The following FUT8 variants were observed in gnomAD, a reference collection of about 807,000 sequenced individuals.
The protein encoded by FUT8 is alpha-(1,6)-fucosyltransferase.
Under a neutral mutation model 71.3 loss-of-function variants are expected in FUT8, and 29 were observed. The observed-to-expected ratio is 0.41, with a 90% CI of 0.30 to 0.55. The LOEUF (loss-of-function observed/expected upper bound fraction) is 0.55, where lower values mean the gene tolerates loss of function less well. Ranked by LOEUF, FUT8 falls within the 20% of genes least tolerant of loss-of-function variation. FUT8 has a pLI of 0.34. For missense variants in FUT8, 544 were observed against 702.1 expected, an observed-to-expected ratio of 0.77 and a Z score of 2.55; for synonymous variants, 254 against 239.3, an observed-to-expected ratio of 1.06 and a Z score of -0.57.
intron 5 of FUT8, among the ~76,000 whole-genome samples, chr14:65,618,010 CATATATATATATATATATATATATAT>C (rs149450437): frequency 0.012 from 1,076 of 87,022 alleles, 45 homozygotes; most frequent in African/African-American, 0.038. Context: ...AAAATTAATT[CATATATATATATATATATATATATAT>C]ATATATATAT....
the FUT8 span, among the ~76,000 whole-genome samples, chr14:65,404,512 T>A: frequency 2.0e-5 from 3 of 150,272 alleles, no homozygotes; most frequent in Admixed American, 1.3e-4. Context: ...AGTCTTGCTC[T>A]GTCGCCAGGC....
the FUT8 span, among the ~76,000 whole-genome samples, chr14:65,374,210 T>A: frequency 1.3e-5 from 2 of 152,218 alleles, no homozygotes; most frequent in African/African-American, 4.8e-5. Context: ...ATTTAAAAAT[T>A]TCTTTGCTGA....
At chr14:65,466,872 A>G (rs2066051615) in intron 2 of FUT8, among the ~76,000 whole-genome samples, 1 of 152,194 alleles carries the variant, frequency 6.6e-6, no homozygotes, top group South Asian at 2.1e-4. Flanking sequence ...GGGTAGTGCA[A>G]ATACCTTACA....
chr14:65,737,184 CTCT>C (rs1365182955), intron 10 of FUT8, among the ~76,000 whole-genome samples: 1 of 152,090 alleles, frequency 6.6e-6, no homozygotes, highest in Non-Finnish European at 1.5e-5. Context: ...TGGGAATTCT[CTCT>C]TCTTCAATGA....
chr14:65,544,483 T>A (rs747971481), intron 2 of FUT8, among the ~76,000 whole-genome samples: 8 of 152,142 alleles, frequency 5.3e-5, no homozygotes, highest in Non-Finnish European at 1.2e-4. Context: ...AATGGTGATA[T>A]ATATACACAT....
rs143790787 is a variant in FUT8 at position 65,529,790 on chromosome 14, T to G, written c.-227-31547T>G. Among the ~76,000 whole-genome samples the G allele has an allele frequency of 2.8e-3, 434 of 152,352 alleles. 2 individuals are homozygous for G. The highest frequency in any genetic ancestry group is 9.9e-3 in the African/African-American group (413 of 41,590). ...TCTTTTGTTTTTTGTGCTAACATTT[T>G]TAAGGTTTTCTAGGGCAGTCTAGAG... is the stretch of plus-strand genomic sequence containing the variant. On this transcript the variant is annotated intron_variant, in intron 2 of 10. Transcript: ENST00000673929.
chr14:65,543,605 CT>C (rs1414243308), intron 2 of FUT8, among the ~76,000 whole-genome samples: 1 of 151,904 alleles, frequency 6.6e-6, no homozygotes, highest in African/African-American at 2.4e-5. Flanking sequence ...TTCTTTCGTT[CT>C]TTCTTGTTTT....
chr14:65,644,297 AT>A (rs1173052027), intron 6 of FUT8, among the ~76,000 whole-genome samples: 46 of 145,046 alleles, frequency 3.2e-4, no homozygotes, highest in Non-Finnish European at 7.6e-5. Flanking sequence ...ATATATATAT[AT>A]TTTTTTTTTT....
At chr14:65,716,028 CTTGTT>C (rs1895040415) in intron 7 of FUT8, among the ~76,000 whole-genome samples, 2 of 151,330 alleles carry the variant, frequency 1.3e-5, no homozygotes, top group South Asian at 2.1e-4. Context: ...TGTTTTAAGA[CTTGTT>C]TTGTGACCTA....
chr14:65,375,492 G>A, the FUT8 span, among the ~76,000 whole-genome samples: 2 of 152,034 alleles, frequency 1.3e-5, no homozygotes, highest in African/African-American at 2.4e-5. Context: ...GTGGTGGTGC[G>A]TGCCTGTGGT....
chr14:65,541,221 A>G (rs925365257), intron 2 of FUT8, among the ~76,000 whole-genome samples: 4 of 152,228 alleles, frequency 2.6e-5, no homozygotes, highest in African/African-American at 9.6e-5. Context: ...ACTTGTTAAT[A>G]TAAAGATGCG....
intron 2 of FUT8, among the ~76,000 whole-genome samples, chr14:65,502,046 G>C (rs1269952496): frequency 6.6e-6 from 1 of 151,844 alleles, no homozygotes. Context: ...AAGTAGCTGG[G>C]ACTACAGGCA....
intron 3 of FUT8, among the ~76,000 whole-genome samples, chr14:65,579,125 T>C (rs1886944463): frequency 6.6e-6 from 1 of 152,146 alleles, no homozygotes; most frequent in African/African-American, 2.4e-5. Context: ...TACCATTTGT[T>C]ATGTGCAGAA....
intron 3 of FUT8, among the ~76,000 whole-genome samples, chr14:65,605,212 T>A (rs542537668): frequency 3.9e-5 from 6 of 152,106 alleles, no homozygotes; most frequent in African/African-American, 1.4e-4. Context: ...CTCAGTCTTA[T>A]TATATGTGCA....
chr14:65,534,150 G>A (rs146988144), intron 2 of FUT8, among the ~76,000 whole-genome samples: 1 of 151,768 alleles, frequency 6.6e-6, no homozygotes, highest in African/African-American at 2.4e-5. Context: ...TTGAGCCAGG[G>A]TCTCACTTTG....
At chr14:65,590,477 T>G (rs908416762) in intron 3 of FUT8, among the ~76,000 whole-genome samples, 1 of 152,146 alleles carries the variant, frequency 6.6e-6, no homozygotes, top group African/African-American at 2.4e-5. Flanking sequence ...AAAAATCCCT[T>G]AAGATGTCTC....
At position 65,483,813 on chromosome 14, in the gene FUT8, A is replaced by ACCTT. The variant is rs147711134; in HGVS notation, c.-228+28097_-228+28100dup. 9.8e-3 allele frequency among the ~76,000 whole-genome samples: 1,491 copies of ACCTT among 152,118 alleles called. 25 individuals carry two copies. Among genetic ancestry groups the ACCTT allele is most frequent in the African/African-American group, 0.035 (1,431 of 41,478 alleles). On this transcript the variant is annotated intron_variant, in intron 2 of 10. Transcript: ENST00000673929. This position sits in a 1 kb window ranked among gnomAD's most constrained non-coding sequence, Gnocchi z 4.4. The stretch of plus-strand genomic sequence containing the variant: ...GGTGGCATGATATCAGCTCACTGCA[A>ACCTT]CCTTCACCTTCTGGTTTCAAGTGAT...
At chr14:65,634,999 G>T (rs982395091) in intron 6 of FUT8, among the ~76,000 whole-genome samples, 3 of 152,138 alleles carry the variant, frequency 2.0e-5, no homozygotes, top group Non-Finnish European at 4.4e-5. Flanking sequence ...TGTCATCTAT[G>T]ATTTCTTTCA....
chr14:65,598,244 C>T (rs946522964), intron 3 of FUT8, among the ~76,000 whole-genome samples: 24 of 151,844 alleles, frequency 1.6e-4, no homozygotes, highest in African/African-American at 4.4e-4. Flanking sequence ...TTTTCCGAGA[C>T]GGGAGTCTTG....
Sources: gnomAD v4.1 joint callset for allele counts (sites outside exome capture counted in the v4.1 genomes callset) on GRCh38, gnomAD v4.1.1 for gene constraint, Gnocchi (gnomAD v3.1) non-coding constraint, MANE v1.5 for transcripts, NCBI Gene and HGNC (gene_info 2026-07-23, HGNC 2026-07-21) for gene names.